Variants in ZNF470 observed in about 807,000 individuals in gnomAD.
The protein encoded by ZNF470 is chondrogenesis zinc finger protein 1.
ZNF470 carries 13 observed loss-of-function variants against 13.9 expected under a neutral mutation model. The observed-to-expected ratio is 0.94, with a 90% CI of 0.61 to 1.49. The LOEUF is 1.49. Ranked by LOEUF, ZNF470 falls within the 40% of genes most tolerant of loss-of-function variation. The probability of loss-of-function intolerance (pLI) is 0.00; values close to 1 mark genes in which losing one functional copy is unlikely to be tolerated. For synonymous variants in ZNF470, 293 were observed against 282.9 expected (o/e 1.04, Z -0.36); for missense variants, 929 against 857.3 (o/e 1.08, Z -1.04).
Position 56,577,992 on chromosome 19 carries a change from T to G in ZNF470, c.1563T>G (p.Asn521Lys), listed in dbSNP as rs749877305. 40 of 1,613,254 alleles carry G rather than the reference T, an allele frequency of 2.5e-5. No individual in the cohort carries two copies. In the East Asian group the frequency reaches 2.7e-4, roughly 11 times the overall value. Residue 521 changes from asparagine to lysine, a missense_variant, in exon 6 of 6, where the codon AAT becomes AAG. Transcript: ENST00000330619. ...AATGCAGCAAAACCTTCAGCCAGAA[T>G]GCACACCTCGCGCAACATCAGAAAA... ...CKECSKTFSQ[N>K]AHLAQHQKIH...
In ZNF470 at chr19:56,569,744, A is replaced by G. The variant is rs573003757; in HGVS notation, c.-32-536A>G. Among the ~76,000 whole-genome samples the G allele has an allele frequency of 1.9e-4, 29 of 152,092 alleles. 1 individual carries two copies. The highest frequency in any genetic ancestry group is 6.7e-4 in the African/African-American group (28 of 41,522). On this transcript the variant is annotated intron_variant, in intron 2 of 5. Transcript: ENST00000330619. ...CTTGAGGCCAGGAGGTTGACCAGAT[A>G]CCTAACTCCAGGAGGTTGACACCTC...
Position 56,579,275 on chromosome 19 carries a change from A to C in ZNF470, c.*692A>C, listed in dbSNP as rs1403104517. Reference sequence around the variant, plus strand: ...TGTCTCTACAAAAAATACAGAAATTAGCCAGGCGTGGTGGTGCACACCTGT... The same window carrying C: ...TGTCTCTACAAAAAATACAGAAATTCGCCAGGCGTGGTGGTGCACACCTGT... On this transcript the variant is annotated 3_prime_UTR_variant, in exon 6 of 6. Transcript: ENST00000330619. The C allele has an allele frequency of 6.3e-6, 4 of 633,522 alleles. No homozygotes were observed. Among genetic ancestry groups the C allele is most frequent in the Non-Finnish European group, 7.9e-6 (4 of 509,092 alleles). 39.2% of individuals were successfully genotyped at this position (633,522 alleles called of 1,614,324 possible). A position where few individuals can be genotyped will look rare whatever the true frequency, so the allele number is the denominator to read the frequency against.
chr19:56,572,371 A>T (rs796297353), intron 3 of ZNF470, among the ~76,000 whole-genome samples: 735 of 16,724 alleles, frequency 0.044, 7 homozygotes, highest in South Asian at 0.057. Context: ...AAAAAAAAAA[A>T]ATATATATAT....
rs2044421719 is a variant in ZNF470 at position 56,567,766 on chromosome 19, C to CGTGCGGAAGGCGGT, written c.-427_-414dup. 1.0e-6 allele frequency: 1 copy of CGTGCGGAAGGCGGT among 987,232 alleles called. No homozygotes were observed. Among genetic ancestry groups the CGTGCGGAAGGCGGT allele is most frequent in the Non-Finnish European group, 1.2e-6 (1 of 831,418 alleles). The allele number at this position is 987,232 out of a possible 1,614,324, so 61.2% of individuals were successfully genotyped here. A position where few individuals can be genotyped will look rare whatever the true frequency, so the allele number is the denominator to read the frequency against. ...TGCGCCTGCGTGCATGGCCCGGCGG[C>CGTGCGGAAGGCGGT]GTGCGGAAGGCGGTGTGTGTTGGAA... On this transcript the variant is annotated 5_prime_UTR_variant, in exon 1 of 6. It removes the in-frame stop codon of an upstream open reading frame in the 5' UTR. Transcript: ENST00000330619.
chr19:56,571,605 G>T (rs2044452313), intron 3 of ZNF470, among the ~76,000 whole-genome samples: 2 of 150,282 alleles, frequency 1.3e-5, no homozygotes, highest in South Asian at 2.1e-4. Context: ...TTTTCTTTTT[G>T]TTTTTTGTCT....
In ZNF470 at chr19:56,578,581, T is replaced by G. The variant is rs112797935; in HGVS notation, c.2152T>G (p.Ter718GluextTer8). 1 of 1,520,002 alleles carries G rather than the reference T, an allele frequency of 6.6e-7. No individual in the cohort carries two copies. Among genetic ancestry groups the G allele is most frequent in the African/African-American group, 1.4e-5 (1 of 71,906 alleles). 94.2% of individuals were successfully genotyped at this position (1,520,002 alleles called of 1,614,324 possible). A position where few individuals can be genotyped will look rare whatever the true frequency, so the allele number is the denominator to read the frequency against. ...SSALPYHQVL[*>E] ...TGCCCTCCCATACCACCAAGTCCTA[T>G]AGATTCAATCTCGTAAATGCTTCTA... is the stretch of plus-strand genomic sequence containing the variant. The change falls in exon 6 of 6, where the codon TAG becomes GAG. Residue 718 changes from the stop codon to glutamate (E), a stop_lost. Coordinates refer to ENST00000330619, the MANE Select transcript of ZNF470 (RefSeq NM_001001668.4).
At chr19:56,572,900 T>C (rs2044465403) in intron 3 of ZNF470, among the ~76,000 whole-genome samples, 1 of 152,146 alleles carries the variant, frequency 6.6e-6, no homozygotes, top group African/African-American at 2.4e-5. Flanking sequence ...GTTCTTCAGA[T>C]AGAAATTATA....
In ZNF470 at chr19:56,578,891, G is replaced by T; in HGVS notation, c.*308G>T. The stretch of plus-strand genomic sequence containing the variant: ...AATAAATGCTAGCCATTAAGGTAAA[G>T]GTTTCCTTACAAACTATCATATTAA... On this transcript the variant is annotated 3_prime_UTR_variant, in exon 6 of 6. Coordinates refer to ENST00000330619, the MANE Select transcript of ZNF470 (RefSeq NM_001001668.4). 1.9e-6 allele frequency: 2 copies of T among 1,071,184 alleles called. No homozygotes were observed. Among genetic ancestry groups the T allele is most frequent in the Non-Finnish European group, 2.3e-6 (2 of 886,140 alleles). The allele number at this position is 1,071,184 out of a possible 1,614,324, so 66.4% of individuals were successfully genotyped here. A position where few individuals can be genotyped will look rare whatever the true frequency, so the allele number is the denominator to read the frequency against.
At chr19:56,570,666 G>A (rs912176730) in intron 3 of ZNF470, among the ~76,000 whole-genome samples, 1 of 152,168 alleles carries the variant, frequency 6.6e-6, no homozygotes, top group Non-Finnish European at 1.5e-5. Context: ...TGACAAAGCA[G>A]AAGTACAATC....
chr19:56,574,558 A>G, intron 4 of ZNF470, 38 bp downstream of exon 4: 1 of 1,612,310 alleles, frequency 6.2e-7, no homozygotes, highest in Non-Finnish European at 8.5e-7. Flanking sequence ...CCCATGACTC[A>G]GTAGTCTTTT....
rs2147989294 is a variant in ZNF470 at position 56,579,471 on chromosome 19, G to A, written c.*888G>A. ...TTTGGTAGAATGTAGGACTAACCAG[G>A]GTAGGTAGTAGTAAACCAAAAGTAA... On this transcript the variant is annotated 3_prime_UTR_variant, in exon 6 of 6. Coordinates refer to ENST00000330619, the MANE Select transcript of ZNF470 (RefSeq NM_001001668.4). 3 of 985,338 alleles carry A rather than the reference G, an allele frequency of 3.0e-6. No homozygotes were observed. The highest frequency in any genetic ancestry group is 1.2e-6 in the Non-Finnish European group (1 of 829,916). 61.0% of individuals were successfully genotyped at this position (985,338 alleles called of 1,614,324 possible).
rs768146876 is a variant in ZNF470 at position 56,577,619 on chromosome 19, TTGAC to T, written c.1193_1196del (p.Asp398ValfsTer12). On this transcript the variant is annotated frameshift_variant, in exon 6 of 6. Transcript: ENST00000330619. LOFTEE classifies it low-confidence loss of function (END_TRUNC). ...TATTATCATACTGGAGAGAAACCCT[TTGAC>T]TGTATTGATTGTGGGAAGGCTTTCA... is the stretch of plus-strand genomic sequence containing the variant. 4.3e-6 allele frequency: 7 copies of T among 1,613,578 alleles called. No individual in the cohort carries two copies. Among genetic ancestry groups the T allele is most frequent in the Non-Finnish European group, 5.9e-6 (7 of 1,179,906 alleles).
intron 4 of ZNF470, 31 bp from the exon 5 acceptor site, chr19:56,574,607 A>T (rs1308754233): frequency 6.2e-7 from 1 of 1,612,182 alleles, no homozygotes; most frequent in Non-Finnish European, 8.5e-7. Flanking sequence ...TCCACAGCAT[A>T]GGCAATTTTT....
chr19:56,575,435 G>A (rs1044023602), intron 5 of ZNF470, among the ~76,000 whole-genome samples: 3 of 149,324 alleles, frequency 2.0e-5, no homozygotes, highest in East Asian at 2.0e-4. Flanking sequence ...GATTTTTGAC[G>A]CAGGGTATTT....
At position 56,582,443 on chromosome 19, in the gene ZNF470, ATTTT is replaced by A; in HGVS notation, c.*3862_*3865del. On this transcript the variant is annotated 3_prime_UTR_variant, in exon 6 of 6. Transcript: ENST00000330619. ...TGGCTCATAACCAAATTTAGAGACT[ATTTT>A]TATGCATTGTTAAAGTGGAATGCTG... 1.0e-6 allele frequency: 1 copy of A among 985,396 alleles called. No individual in the cohort carries two copies. The highest frequency in any genetic ancestry group is 1.2e-6 in the Non-Finnish European group (1 of 829,902). The allele number at this position is 985,396 out of a possible 1,614,324, so 61.0% of individuals were successfully genotyped here.
At position 56,582,601 on chromosome 19, in the gene ZNF470, A is replaced by G. The variant is rs1047595997; in HGVS notation, c.*4018A>G. 9.1e-5 allele frequency: 89 copies of G among 983,254 alleles called. No individual in the cohort carries two copies. The highest frequency in any genetic ancestry group is 1.0e-4 in the Non-Finnish European group (86 of 828,048). 60.9% of individuals were successfully genotyped at this position (983,254 alleles called of 1,614,324 possible). ...CACCAAATTTACTTGTTGAAGTCCT[A>G]AACCCCAACATGACTGTATTTGGAC... On this transcript the variant is annotated 3_prime_UTR_variant, in exon 6 of 6. Coordinates refer to ENST00000330619, the MANE Select transcript of ZNF470 (RefSeq NM_001001668.4).
At chr19:56,571,071 C>G (rs1005628092) in intron 3 of ZNF470, among the ~76,000 whole-genome samples, 1 of 152,158 alleles carries the variant, frequency 6.6e-6, no homozygotes, top group Non-Finnish European at 1.5e-5. Context: ...TCCTGAGTTA[C>G]GCCTTGAATG....
chr19:56,577,892 A>G lies in ZNF470; in HGVS notation c.1463A>G (p.Lys488Arg), dbSNP rs1283302084. The G allele has an allele frequency of 9.9e-6, 16 of 1,613,876 alleles. No individual in the cohort carries two copies. The highest frequency in any genetic ancestry group is 1.7e-5 in the Admixed American group (1 of 59,998). Residue 488 changes from lysine (K) to arginine (R), a missense_variant, in exon 6 of 6, where the codon AAA becomes AGA. By Grantham distance (26) the Lys-to-Arg change is conservative. Transcript: ENST00000330619. ...CCCTATGAATGTAAAGAATGTGGGA[A>G]AGCTTTCCGGCAGAGCACGCATCTG... ...EKPYECKECG[K>R]AFRQSTHLAH...
In ZNF470 at chr19:56,581,426, G is replaced by C; in HGVS notation, c.*2843G>C. 2 of 965,872 alleles carry C rather than the reference G, an allele frequency of 2.1e-6. No homozygotes were observed. Among genetic ancestry groups the C allele is most frequent in the Non-Finnish European group, 2.5e-6 (2 of 812,350 alleles). The allele number at this position is 965,872 out of a possible 1,614,324, so 59.8% of individuals were successfully genotyped here. On this transcript the variant is annotated 3_prime_UTR_variant, in exon 6 of 6. Transcript: ENST00000330619. ...TATACCCTTTGAATTAATATTCCTTGGAAACCAACATATACAAAGGTAGAT... is the reference window on the plus strand; with the variant it reads ...TATACCCTTTGAATTAATATTCCTTCGAAACCAACATATACAAAGGTAGAT...
Sources: allele counts gnomAD v4.1 joint callset (sites outside exome capture counted in the v4.1 genomes callset), GRCh38; gene constraint gnomAD v4.1.1; transcripts MANE v1.5; gene names NCBI Gene and HGNC (gene_info 2026-07-23, HGNC 2026-07-21).